ADCY2: variants seen among roughly 807,000 people sequenced by gnomAD.
The protein encoded by ADCY2 is adenylate cyclase type 2.
A neutral mutation model predicts 125.2 loss-of-function variants in ADCY2; 31 were observed. The ratio of observed to expected loss-of-function variants is 0.25; its 90% CI spans 0.19 to 0.33. The LOEUF (loss-of-function observed/expected upper bound fraction) is 0.33. Among genes scored for constraint, ADCY2 ranks in the 10% least tolerant of loss-of-function variants. The pLI is 1.00. For missense variants in ADCY2, 904 were observed against 1,418.2 expected (o/e 0.64, Z 5.82); for synonymous variants, 512 against 548.4 (o/e 0.93, Z 0.93).
chr5:7,592,415 T>C (rs1283817226), intron 3 of ADCY2, among the ~76,000 whole-genome samples: 1 of 152,098 alleles, frequency 6.6e-6, no homozygotes, highest in Non-Finnish European at 1.5e-5. Context: ...TCAGCACCTA[T>C]AGGCAAATAA....
At chr5:7,517,579 A>G (rs2126528258) in intron 2 of ADCY2, among the ~76,000 whole-genome samples, 1 of 152,310 alleles carries the variant, frequency 6.6e-6, no homozygotes, top group East Asian at 1.9e-4. Flanking sequence ...AAGCACCACT[A>G]GCCAAACTCC....
chr5:7,679,088 T>C (rs185963683), intron 4 of ADCY2, among the ~76,000 whole-genome samples: 1 of 152,324 alleles, frequency 6.6e-6, no homozygotes, highest in Non-Finnish European at 1.5e-5. Flanking sequence ...TTGGCAGAGT[T>C]CAGGAGCCAT....
chr5:7,644,623 C>T (rs1007377251), intron 4 of ADCY2, among the ~76,000 whole-genome samples: 11 of 152,216 alleles, frequency 7.2e-5, no homozygotes, highest in Admixed American at 2.6e-4. Context: ...GTTCAAACAC[C>T]GTTTTTGCCC....
Position 7,757,566 on chromosome 5 carries a change from A to T in ADCY2, c.2074A>T (p.Met692Leu), listed in dbSNP as rs771630730. The T allele has an allele frequency of 1.2e-5, 20 of 1,613,862 alleles. No homozygotes were observed. The highest frequency in any genetic ancestry group is 2.7e-5 in the African/African-American group (2 of 74,904). Reference sequence around the variant, plus strand: ...GATCATCACCACAGCCATCATATTAATGATGGCCGTGTTCAACATGGTAAG... The same window carrying T: ...GATCATCACCACAGCCATCATATTATTGATGGCCGTGTTCAACATGGTAAG... ...LTIITTAIILMMAVFNMFFLS... is the reference protein window; with the variant it reads ...LTIITTAIILLMAVFNMFFLS... Residue 692 changes from methionine to leucine, a missense_variant, in exon 16 of 25, where the codon ATG becomes TTG. This residue lies in a region of ADCY2 where 221 missense variants were observed against 246.2 expected (regional missense o/e 0.90). Coordinates refer to ENST00000338316, the MANE Select transcript of ADCY2 (RefSeq NM_020546.3).
In ADCY2 at chr5:7,616,086, C is replaced by CTCCTGGGAATTTCGT. The variant is rs1722878535; in HGVS notation, c.571-10079_571-10065dup. Among the ~76,000 whole-genome samples, 7 of 152,248 alleles carry CTCCTGGGAATTTCGT rather than the reference C, an allele frequency of 4.6e-5. No individual in the cohort carries two copies. In the South Asian group the frequency reaches 1.5e-3, roughly 32 times the overall value. ...TGACCTCACTAAGTAATAAACAAAA[C>CTCCTGGGAATTTCGT]TCCTGGGAATTTCGTTTAGTCTAGT... On this transcript the variant is annotated intron_variant, in intron 3 of 24. Coordinates refer to ENST00000338316, the MANE Select transcript of ADCY2 (RefSeq NM_020546.3).
intron 19 of ADCY2, among the ~76,000 whole-genome samples, chr5:7,788,044 AT>A (rs35720460): frequency 0.97 from 147,529 of 151,634 alleles, 71,878 homozygotes; most frequent in South Asian, 1. Flanking sequence ...CCACTGATTT[AT>A]TTTTTTTTTT....
At chr5:7,567,468 GTTC>G (rs1378938930) in intron 3 of ADCY2, among the ~76,000 whole-genome samples, 1 of 152,062 alleles carries the variant, frequency 6.6e-6, no homozygotes, top group Non-Finnish European at 1.5e-5. Context: ...CAAGGGCTGT[GTTC>G]TTCTTTGTAG....
intron 2 of ADCY2, among the ~76,000 whole-genome samples, chr5:7,432,382 TA>T (rs1437723252): frequency 1.3e-5 from 2 of 152,182 alleles, no homozygotes; most frequent in East Asian, 3.9e-4. Flanking sequence ...ATGACAAAGC[TA>T]AAAGAGCACT....
intron 2 of ADCY2, among the ~76,000 whole-genome samples, chr5:7,467,799 T>C (rs1184957593): frequency 6.6e-6 from 1 of 152,228 alleles, no homozygotes; most frequent in Non-Finnish European, 1.5e-5. Context: ...ATTTCCTTAA[T>C]GATGTTTTCT....
Position 7,757,444 on chromosome 5 carries a change from C to T in ADCY2, c.1957-5C>T. ...GCTTCTCTTTTTCTTTCTCTCTTCT[C>T]CTAGCAATGCAGCAAAAAAGCCTCT... On this transcript the variant is annotated splice_polypyrimidine_tract_variant and splice_region_variant and intron_variant, in intron 15 of 24. Coordinates refer to ENST00000338316, the MANE Select transcript of ADCY2 (RefSeq NM_020546.3). The T allele has an allele frequency of 1.2e-6, 2 of 1,613,156 alleles. No individual in the cohort carries two copies. The highest frequency in any genetic ancestry group is 3.3e-5 in the Admixed American group (2 of 59,814).
intron 22 of ADCY2, among the ~76,000 whole-genome samples, chr5:7,805,867 A>G (rs947430319): frequency 2.6e-5 from 4 of 152,226 alleles, no homozygotes; most frequent in African/African-American, 9.6e-5. Context: ...GCATTCTTCC[A>G]GTTAATTGGA....
chr5:7,804,822 G>A (rs929553943), intron 22 of ADCY2, 130 bp downstream of exon 22: 2 of 658,122 alleles, frequency 3.0e-6, no homozygotes, highest in African/African-American at 1.8e-5. Context: ...CAGGGTCAAG[G>A]TCCTATGAGA....
chr5:7,690,557 G>A, intron 4 of ADCY2, 134 bp from the exon 5 acceptor site: 1 of 649,836 alleles, frequency 1.5e-6, no homozygotes, highest in Non-Finnish European at 2.3e-6. Flanking sequence ...TATATTTCTA[G>A]AATCTGTATT....
intron 5 of ADCY2, among the ~76,000 whole-genome samples, chr5:7,693,061 A>G (rs1740756476): frequency 6.6e-6 from 1 of 152,208 alleles, no homozygotes; most frequent in African/African-American, 2.4e-5. Flanking sequence ...TCTGTTGCTC[A>G]GCCAGAAACA....
At chr5:7,667,591 C>T (rs374988977) in intron 4 of ADCY2, among the ~76,000 whole-genome samples, 2 of 152,072 alleles carry the variant, frequency 1.3e-5, no homozygotes, top group Admixed American at 6.5e-5. Flanking sequence ...TTCTGTCTGT[C>T]GGAATGAATA....
chr5:7,787,983 A>T (rs1353735084), intron 19 of ADCY2, among the ~76,000 whole-genome samples: 1 of 151,984 alleles, frequency 6.6e-6, no homozygotes, highest in Non-Finnish European at 1.5e-5. Context: ...TTGTCTTCTC[A>T]ATGCCCCCAC....
intron 20 of ADCY2, 143 bp downstream of exon 20, chr5:7,789,943 T>G: frequency 1.5e-6 from 1 of 645,996 alleles, no homozygotes; most frequent in African/African-American, 1.8e-5. Flanking sequence ...TGGCTTGAAT[T>G]GTTCAGTTTT....
At chr5:7,471,312 A>G (rs1230221791) in intron 2 of ADCY2, among the ~76,000 whole-genome samples, 2 of 151,654 alleles carry the variant, frequency 1.3e-5, no homozygotes, top group Admixed American at 6.6e-5. Context: ...TTTGTTCTTT[A>G]TGTTCGTTTG....
intron 3 of ADCY2, among the ~76,000 whole-genome samples, chr5:7,573,866 C>T (rs556272900): frequency 6.4e-5 from 9 of 139,586 alleles, no homozygotes; most frequent in Admixed American, 4.3e-4. Flanking sequence ...CCCACTAACT[C>T]GTCATCTAGC....
Sources: gnomAD v4.1 joint callset for allele counts (sites outside exome capture counted in the v4.1 genomes callset) on GRCh38, gnomAD v4.1.1 for gene constraint, gnomAD v4.1.1 regional missense constraint, MANE v1.5 for transcripts, NCBI Gene and HGNC (gene_info 2026-07-23, HGNC 2026-07-21) for gene names.